The following DELE1 variants were observed in gnomAD, a reference collection of about 807,000 sequenced individuals.
DELE1 encodes the protein DAP3 binding cell death enhancer 1.
In DELE1, 54 loss-of-function variants were observed where a neutral mutation model predicts 59.3. The observed-to-expected ratio is 0.91, with a 90% CI of 0.73 to 1.14. The LOEUF (loss-of-function observed/expected upper bound fraction) is 1.14, where lower values mean the gene tolerates loss of function less well. Among genes scored for constraint, DELE1 ranks in the 50% most tolerant of loss-of-function variants. The pLI is 0.00. For missense variants in DELE1, 636 were observed against 643.9 expected, an observed-to-expected ratio of 0.99 and a Z score of 0.13; for synonymous variants, 264 against 259.1, an observed-to-expected ratio of 1.02 and a Z score of -0.18.
At position 141,937,218 on chromosome 5, in the gene DELE1, C is replaced by T. The variant is rs1396930402; in HGVS notation, c.1170C>T (p.His390=). 5.6e-6 allele frequency: 9 copies of T among 1,614,080 alleles called. No homozygotes were observed. Among genetic ancestry groups the T allele is most frequent in the Non-Finnish European group, 7.6e-6 (9 of 1,180,044 alleles). The change falls in exon 11 of 12, where the codon CAC becomes CAT. Residue 390 remains histidine, a synonymous_variant. Coordinates refer to ENST00000432126, the MANE Select transcript of DELE1 (RefSeq NM_014773.5). ...ANNGDSQSRY[H]LGICYEKGLG... ...CTTAGGACTCACAGAGCAGGTACCA[C>T]CTTGGAATTTGCTATGAGAAAGGCC...
Position 141,938,900 on chromosome 5 carries a change from G to A in DELE1, c.*141G>A. On this transcript the variant is annotated 3_prime_UTR_variant, in exon 12 of 12. Transcript: ENST00000432126. Reference sequence around the variant, plus strand: ...GGTTCCCAAGCAATTTCACGTACATGGCTGGTAAGTGACTGATCTTTCCCC... The same window carrying A: ...GGTTCCCAAGCAATTTCACGTACATAGCTGGTAAGTGACTGATCTTTCCCC... The A allele has an allele frequency of 6.9e-7, 1 of 1,459,736 alleles. No individual in the cohort carries two copies. The highest frequency in any genetic ancestry group is 9.0e-7 in the Non-Finnish European group (1 of 1,111,912). 90.4% of individuals were successfully genotyped at this position (1,459,736 alleles called of 1,614,324 possible).
intron 4 of DELE1, 148 bp from the exon 5 acceptor site, chr5:141,929,434 C>A: frequency 2.7e-6 from 2 of 750,964 alleles, no homozygotes; most frequent in South Asian, 3.6e-5. Context: ...ATTTTTAGTA[C>A]AGATGGGGTT....
chr5:141,934,492 A>G lies in DELE1; in HGVS notation c.1057-2A>G. 1 of 1,614,236 alleles carries G rather than the reference A, an allele frequency of 6.2e-7. No homozygotes were observed. The highest frequency in any genetic ancestry group is 2.2e-5 in the East Asian group (1 of 44,890). On this transcript the variant is annotated splice_acceptor_variant, in intron 9 of 11. Coordinates refer to ENST00000432126, the MANE Select transcript of DELE1 (RefSeq NM_014773.5). LOFTEE classifies it high-confidence loss of function. The stretch of plus-strand genomic sequence containing the variant: ...CTTCTTTTCCTTCCTCCTTGACCAC[A>G]GGCCCAAGCTTTCCTCGGGGTGCTT...
In DELE1 at chr5:141,941,045, A is replaced by G; in HGVS notation, c.*2286A>G. ...AATTGAGCCCAGAGCCCGTTTCCCT[A>G]CAGATTGCTTTTGAGCCTTCCTGGG... is the stretch of plus-strand genomic sequence containing the variant. On this transcript the variant is annotated 3_prime_UTR_variant, in exon 12 of 12. Transcript: ENST00000432126. 1.0e-6 allele frequency: 1 copy of G among 985,396 alleles called. No homozygotes were observed. The highest frequency in any genetic ancestry group is 1.2e-6 in the Non-Finnish European group (1 of 829,926). The allele number at this position is 985,396 out of a possible 1,614,324, so 61.0% of individuals were successfully genotyped here. A position where few individuals can be genotyped will look rare whatever the true frequency, so the allele number is the denominator to read the frequency against.
chr5:141,930,175 C>T lies in DELE1; in HGVS notation c.658-3C>T, dbSNP rs777704198. The T allele has an allele frequency of 1.9e-6, 3 of 1,612,412 alleles. No individual in the cohort carries two copies. The highest frequency in any genetic ancestry group is 2.5e-6 in the Non-Finnish European group (3 of 1,178,822). ...TGGTGAGTCTTTTATATTTCTTTCC[C>T]AGGAACAAGATAAATCAAAAACTCT... On this transcript the variant is annotated splice_polypyrimidine_tract_variant and splice_region_variant and intron_variant, in intron 6 of 11. Coordinates refer to ENST00000432126, the MANE Select transcript of DELE1 (RefSeq NM_014773.5).
Position 141,938,504 on chromosome 5 carries a change from C to T in DELE1, c.1310-17C>T, listed in dbSNP as rs755956166. 6.2e-7 allele frequency: 1 copy of T among 1,611,334 alleles called. No homozygotes were observed. Among genetic ancestry groups the T allele is most frequent in the South Asian group, 1.1e-5 (1 of 90,876 alleles). On this transcript the variant is annotated splice_polypyrimidine_tract_variant and intron_variant, in intron 11 of 11. Transcript: ENST00000432126. The stretch of plus-strand genomic sequence containing the variant: ...ATATACAGCAAGAGTAAGAGTTGCT[C>T]TCACCTCTTCTTGTAGCCCCGGGGC...
rs1411538734 is a variant in DELE1, at chr5:141,938,963, C to T, written c.*204C>T. 7 of 1,406,526 alleles carry T rather than the reference C, an allele frequency of 5.0e-6. No homozygotes were observed. The Admixed American group carries it at 1.8e-4, about 37-fold the overall frequency. 87.1% of individuals were successfully genotyped at this position (1,406,526 alleles called of 1,614,324 possible). On this transcript the variant is annotated 3_prime_UTR_variant, in exon 12 of 12. Transcript: ENST00000432126. ...CTCACAGATGAGTCTTGGATGCATT[C>T]ACAGTCATTTCTGGTCTGTGCACCA...
chr5:141,940,178 G>A lies in DELE1; in HGVS notation c.*1419G>A, dbSNP rs761693660. On this transcript the variant is annotated 3_prime_UTR_variant, in exon 12 of 12. Transcript: ENST00000432126. The stretch of plus-strand genomic sequence containing the variant: ...TCACTCTTGCCCTTGAGTATTATGG[G>A]AAGAGCCAGGGAGACGGGCAGGGGG... 1,200 of 985,318 alleles carry A rather than the reference G, an allele frequency of 1.2e-3. No individual in the cohort carries two copies. The highest frequency in any genetic ancestry group is 1.4e-3 in the Non-Finnish European group (1,156 of 829,948). 61.0% of individuals were successfully genotyped at this position (985,318 alleles called of 1,614,324 possible). A position where few individuals can be genotyped will look rare whatever the true frequency, so the allele number is the denominator to read the frequency against.
At chr5:141,926,918 G>A (rs1368641333) in intron 3 of DELE1, among the ~76,000 whole-genome samples, 1 of 152,242 alleles carries the variant, frequency 6.6e-6, no homozygotes, top group Non-Finnish European at 1.5e-5. Flanking sequence ...GCTGTCCTCA[G>A]TACCATGGAT....
rs1054281558 is a variant in DELE1 at position 141,940,657 on chromosome 5, C to G, written c.*1898C>G. Reference sequence around the variant, plus strand: ...CCATCTCCTCGCCTGCTCCCTGCCTCCTTTTCAGGGCTGCCCTGCACACTG... The same window carrying G: ...CCATCTCCTCGCCTGCTCCCTGCCTGCTTTTCAGGGCTGCCCTGCACACTG... On this transcript the variant is annotated 3_prime_UTR_variant, in exon 12 of 12. Transcript: ENST00000432126. 3 of 985,666 alleles carry G rather than the reference C, an allele frequency of 3.0e-6. No homozygotes were observed. The highest frequency in any genetic ancestry group is 3.6e-6 in the Non-Finnish European group (3 of 830,050). The allele number at this position is 985,666 out of a possible 1,614,324, so 61.1% of individuals were successfully genotyped here.
intron 7 of DELE1, among the ~76,000 whole-genome samples, chr5:141,931,564 C>T (rs1751914660): frequency 1.3e-5 from 2 of 152,002 alleles, no homozygotes; most frequent in South Asian, 2.1e-4. Flanking sequence ...CTGTTGGTGA[C>T]GGCTGAACAA....
At chr5:141,930,311 GGAAAAT>G (rs1596601346) in intron 7 of DELE1, 37 bp downstream of exon 7, 1 of 1,444,236 alleles carries the variant, frequency 6.9e-7, no homozygotes, top group East Asian at 2.3e-5. Flanking sequence ...CAGGAGGGTG[GGAAAAT>G]GGAAAGGGTA....
At position 141,924,119 on chromosome 5, in the gene DELE1, G is replaced by A. The variant is rs557521495; in HGVS notation, c.31+147G>A. 1.4e-5 allele frequency: 15 copies of A among 1,082,254 alleles called. No individual in the cohort carries two copies. The African/African-American group carries it at 2.0e-4, about 15-fold the overall frequency. The allele number at this position is 1,082,254 out of a possible 1,614,324, so 67.0% of individuals were successfully genotyped here. ...TTGAAAGAGGGCGGGGAAGTCAGGG[G>A]CTGCTGGAATTTGAGATGTGGATGG... On this transcript the variant is annotated intron_variant, in intron 1 of 11. Transcript: ENST00000432126.
In DELE1 at chr5:141,941,948, G is replaced by A. The variant is rs1290061147; in HGVS notation, c.*3189G>A. 43 of 984,856 alleles carry A rather than the reference G, an allele frequency of 4.4e-5. No individual in the cohort carries two copies. Among genetic ancestry groups the A allele is most frequent in the Non-Finnish European group, 5.2e-5 (43 of 829,886 alleles). The allele number at this position is 984,856 out of a possible 1,614,324, so 61.0% of individuals were successfully genotyped here. A position where few individuals can be genotyped will look rare whatever the true frequency, so the allele number is the denominator to read the frequency against. On this transcript the variant is annotated 3_prime_UTR_variant, in exon 12 of 12. Transcript: ENST00000432126. ...AATAATTCTGTATTGCCCCCCACTC[G>A]CCGCCTATACACACGCACACACGCA...
At chr5:141,926,790 G>C (rs1379078107) in intron 3 of DELE1, among the ~76,000 whole-genome samples, 1 of 152,252 alleles carries the variant, frequency 6.6e-6, no homozygotes, top group South Asian at 2.1e-4. Flanking sequence ...TGCCAAAGAA[G>C]ATCTGAGCCC....
At chr5:141,925,589 A>T in intron 3 of DELE1, 62 bp downstream of exon 3, 1 of 1,016,486 alleles carries the variant, frequency 9.8e-7, no homozygotes, top group Non-Finnish European at 1.4e-6. Flanking sequence ...CTTCATGGGT[A>T]TACAGCCGAA....
intron 2 of DELE1, 147 bp downstream of exon 2, chr5:141,924,842 G>A (rs1318137089): frequency 3.9e-5 from 23 of 596,118 alleles, no homozygotes; most frequent in Admixed American, 1.7e-4. Context: ...TGCAACCTCC[G>A]CCTCCCAGGT....
rs1038022129 is a variant in DELE1, at chr5:141,937,001, C to T, written c.1150-197C>T. 5.5e-6 allele frequency: 8 copies of T among 1,441,788 alleles called. No homozygotes were observed. In the African/African-American group the frequency reaches 7.1e-5, roughly 13 times the overall value. The allele number at this position is 1,441,788 out of a possible 1,614,324, so 89.3% of individuals were successfully genotyped here. A position where few individuals can be genotyped will look rare whatever the true frequency, so the allele number is the denominator to read the frequency against. On this transcript the variant is annotated intron_variant, in intron 10 of 11. Coordinates refer to ENST00000432126, the MANE Select transcript of DELE1 (RefSeq NM_014773.5). The stretch of plus-strand genomic sequence containing the variant: ...TCTCCCTGGGTGGAGGGATCCCCCT[C>T]TCCTTTGTGTTGGGTGAGCTCTGAG...
chr5:141,938,476 A>G (rs367811545), intron 11 of DELE1, 45 bp from the exon 12 acceptor site: 63 of 1,590,188 alleles, frequency 4.0e-5, no homozygotes, highest in Non-Finnish European at 5.1e-5. Context: ...TAGGAGTCCA[A>G]GAATATACAG....
Sources: allele counts gnomAD v4.1 joint callset (sites outside exome capture counted in the v4.1 genomes callset), GRCh38; gene constraint gnomAD v4.1.1; transcripts MANE v1.5; gene names NCBI Gene and HGNC (gene_info 2026-07-23, HGNC 2026-07-21).